The following WTAP variants were observed in gnomAD, a reference collection of about 807,000 sequenced individuals.
The protein encoded by WTAP is WT1 associated protein, also known as pre-mRNA-splicing regulator WTAP.
In WTAP, 8 loss-of-function variants were observed where a neutral mutation model predicts 50.0. The observed-to-expected ratio is 0.16, with a 90% CI of 0.09 to 0.29. WTAP has a LOEUF of 0.29. Among genes scored for constraint, WTAP ranks in the 10% least tolerant of loss-of-function variants. WTAP has a pLI of 1.00. For synonymous variants in WTAP, 194 were observed against 169.0 expected (o/e 1.15, Z -1.15); for missense variants, 295 against 470.7 (o/e 0.63, Z 3.45).
At chr6:159,735,476 C>T (rs114558476) in intron 1 of WTAP, among the ~76,000 whole-genome samples, 2,360 of 152,216 alleles carry the variant, frequency 0.016, 73 homozygotes, top group African/African-American at 0.053. Context: ...ATAGGATGGG[C>T]GTGGTGGTTC....
chr6:159,744,953 T>G (rs1779486549), intron 5 of WTAP, among the ~76,000 whole-genome samples: 7 of 152,208 alleles, frequency 4.6e-5, no homozygotes, highest in Admixed American at 4.6e-4. Context: ...ACTGTTGGGA[T>G]TATAGGTGTG....
chr6:159,749,062 T>C, intron 6 of WTAP: 1 of 990,002 alleles, frequency 1.0e-6, no homozygotes, highest in Non-Finnish European at 1.2e-6. Flanking sequence ...TCTATATTAC[T>C]TGCTTGAGCC....
intron 4 of WTAP, among the ~76,000 whole-genome samples, chr6:159,743,371 A>T (rs1779378450): frequency 6.6e-6 from 1 of 152,250 alleles, no homozygotes; most frequent in Non-Finnish European, 1.5e-5. Flanking sequence ...AAATAGGTTA[A>T]AACATACTAA....
In WTAP at chr6:159,755,765, C is replaced by CTTTTTTTTTTTTTTTTTTTTTTTTTT; in HGVS notation, c.*179_*180insTTTTTTTTTTTTTTTTTTTTTTTTTT. On this transcript the variant is annotated 3_prime_UTR_variant, in exon 8 of 8. Coordinates refer to ENST00000621533, the MANE Select transcript of WTAP (RefSeq NM_001270531.2). ...TTTTTCTTTGTTTTTTTTTTCTTTT[C>CTTTTTTTTTTTTTTTTTTTTTTTTTT]TTTTTTTTTTTTTTTTTTTTTTTTT... 1.2e-4 allele frequency: 20 copies of CTTTTTTTTTTTTTTTTTTTTTTTTTT among 160,622 alleles called. 4 individuals carry two copies. Among genetic ancestry groups the CTTTTTTTTTTTTTTTTTTTTTTTTTT allele is most frequent in the African/African-American group, 4.5e-4 (5 of 11,080 alleles). 9.9% of individuals were successfully genotyped at this position (160,622 alleles called of 1,614,324 possible).
chr6:159,739,824 CTTTTTTTTTTTTTTTTT>C (rs56389349), intron 3 of WTAP, among the ~76,000 whole-genome samples: 2 of 85,158 alleles, frequency 2.3e-5, no homozygotes, highest in Non-Finnish European at 4.4e-5. Context: ...CACTTTTTAC[CTTTTTTTTTTTTTTTTT>C]TTTTTTTTTT....
intron 3 of WTAP, among the ~76,000 whole-genome samples, chr6:159,740,766 C>T (rs902995984): frequency 4.7e-5 from 7 of 149,568 alleles, no homozygotes; most frequent in Non-Finnish European, 8.9e-5. Flanking sequence ...TGCAGTTGCG[C>T]GATCTCGGCT....
chr6:159,727,770 C>T, intron 1 of WTAP, 67 bp downstream of exon 1: 1 of 972,594 alleles, frequency 1.0e-6, no homozygotes, highest in Non-Finnish European at 1.2e-6. Context: ...TGATGCGCAG[C>T]CGCCCCCGGC....
intron 6 of WTAP, among the ~76,000 whole-genome samples, chr6:159,751,220 A>G (rs1459745902): frequency 1.3e-5 from 2 of 152,222 alleles, no homozygotes; most frequent in Non-Finnish European, 2.9e-5. Flanking sequence ...ACGTGATATG[A>G]CTATCTTAGC....
At chr6:159,743,898 C>A in intron 5 of WTAP, 106 bp downstream of exon 5, 2 of 1,222,678 alleles carry the variant, frequency 1.6e-6, no homozygotes, top group Non-Finnish European at 2.2e-6. Context: ...AAGAGCTTAT[C>A]TTTTATAGGT....
intron 7 of WTAP, among the ~76,000 whole-genome samples, chr6:159,754,601 C>A (rs577262113): frequency 6.6e-6 from 1 of 152,172 alleles, no homozygotes; most frequent in South Asian, 2.1e-4. Context: ...GTCATATTTA[C>A]ATATAAACCT....
At position 159,755,773 on chromosome 6, in the gene WTAP, T is replaced by C. The variant is rs1356787583; in HGVS notation, c.*162T>C. ...TGTTTTTTTTTTCTTTTCTTTTTTT[T>C]TTTTTTTTTTTTTTTTTGCTTCAAT... is the stretch of plus-strand genomic sequence containing the variant. On this transcript the variant is annotated 3_prime_UTR_variant, in exon 8 of 8. Transcript: ENST00000621533. The C allele has an allele frequency of 2.6e-5, 26 of 1,005,830 alleles. No individual in the cohort carries two copies. The highest frequency in any genetic ancestry group is 7.9e-5 in the South Asian group (2 of 25,422). 62.3% of individuals were successfully genotyped at this position (1,005,830 alleles called of 1,614,324 possible).
At chr6:159,751,383 GGTTA>G (rs1272587093) in intron 6 of WTAP, among the ~76,000 whole-genome samples, 9 of 152,296 alleles carry the variant, frequency 5.9e-5, no homozygotes, top group Admixed American at 4.6e-4. Context: ...ATAGTAAGAA[GGTTA>G]GTTGTAAACA....
chr6:159,737,003 T>C (rs1287870652), intron 2 of WTAP, among the ~76,000 whole-genome samples: 6 of 152,232 alleles, frequency 3.9e-5, no homozygotes, highest in Admixed American at 3.9e-4. Context: ...AGGATTGTAT[T>C]ATGCTTTCAT....
At chr6:159,744,635 C>T (rs1779461299) in intron 5 of WTAP, among the ~76,000 whole-genome samples, 3 of 152,230 alleles carry the variant, frequency 2.0e-5, no homozygotes, top group Admixed American at 2.0e-4. Flanking sequence ...ATTTACTCTT[C>T]TTTCACTTGT....
rs532262722 is a variant in WTAP at position 159,751,593 on chromosome 6, T to A, written c.453-1867T>A. ...TGGAAATCTGGAGCTACAGTAGCAGTGAACAAGAACACCAGCTAATAAAGT... is the reference window on the plus strand; with the variant it reads ...TGGAAATCTGGAGCTACAGTAGCAGAGAACAAGAACACCAGCTAATAAAGT... On this transcript the variant is annotated intron_variant, in intron 6 of 7. Coordinates refer to ENST00000621533, the MANE Select transcript of WTAP (RefSeq NM_001270531.2). 2.6e-5 allele frequency among the ~76,000 whole-genome samples: 4 copies of A among 152,308 alleles called. No individual in the cohort carries two copies. In the East Asian group the frequency reaches 7.7e-4, roughly 29 times the overall value.
At chr6:159,754,665 TA>T (rs1468097334) in intron 7 of WTAP, among the ~76,000 whole-genome samples, 1 of 152,138 alleles carries the variant, frequency 6.6e-6, no homozygotes, top group Admixed American at 6.5e-5. Flanking sequence ...TAATACAATA[TA>T]AATGCTAGGA....
In WTAP at chr6:159,751,565, T is replaced by A. The variant is rs560224819; in HGVS notation, c.453-1895T>A. On this transcript the variant is annotated intron_variant, in intron 6 of 7. Coordinates refer to ENST00000621533, the MANE Select transcript of WTAP (RefSeq NM_001270531.2). Reference sequence around the variant, plus strand: ...AACGCCTGAGAGTGCTGATGGGAAATGGTGGAAATCTGGAGCTACAGTAGC... The same window carrying A: ...AACGCCTGAGAGTGCTGATGGGAAAAGGTGGAAATCTGGAGCTACAGTAGC... Among the ~76,000 whole-genome samples the A allele has an allele frequency of 1.8e-4, 27 of 152,278 alleles. No individual in the cohort carries two copies. In the South Asian group the frequency reaches 5.6e-3, roughly 32 times the overall value.
chr6:159,741,947 G>A, intron 3 of WTAP, 141 bp from the exon 4 acceptor site: 1 of 649,094 alleles, frequency 1.5e-6, no homozygotes, highest in Non-Finnish European at 2.6e-6. Context: ...GCGAGACTCT[G>A]TCTAAAAAAA....
rs1272010194 is a variant in WTAP, at chr6:159,754,120, CTG to C, written c.607+508_607+509del. Among the ~76,000 whole-genome samples the C allele has an allele frequency of 5.3e-5, 8 of 152,280 alleles. No individual in the cohort carries two copies. The South Asian group carries it at 1.2e-3, about 24-fold the overall frequency. On this transcript the variant is annotated intron_variant, in intron 7 of 7. Coordinates refer to ENST00000621533, the MANE Select transcript of WTAP (RefSeq NM_001270531.2). ...TTTTAGTGCAAGTGTAGCTGTATCT[CTG>C]TTTCTCTTCTTTGTAAGGTGCATTA...
Sources: allele counts gnomAD v4.1 joint callset (sites outside exome capture counted in the v4.1 genomes callset), GRCh38; gene constraint gnomAD v4.1.1; transcripts MANE v1.5; gene names NCBI Gene and HGNC (gene_info 2026-07-23, HGNC 2026-07-21).